The following CWH43 variants were observed in gnomAD, a reference collection of about 807,000 sequenced individuals.
CWH43 encodes cell wall biogenesis 43 C-terminal homolog.
Under a neutral mutation model 85.7 loss-of-function variants are expected in CWH43, and 91 were observed. The ratio of observed to expected loss-of-function variants is 1.06; its 90% CI spans 0.90 to 1.26. The LOEUF is 1.26. Ranked by LOEUF, CWH43 falls within the 50% of genes most tolerant of loss-of-function variation. CWH43 has a pLI of 0.00. For synonymous variants in CWH43, 323 were observed against 293.6 expected (o/e 1.10, Z -1.02); for missense variants, 869 against 839.2 (o/e 1.04, Z -0.44).
chr4:49,061,461 C>T (rs1423116762), intron 15 of CWH43, among the ~76,000 whole-genome samples: 5 of 152,090 alleles, frequency 3.3e-5, no homozygotes, highest in Admixed American at 1.3e-4. Context: ...AGAAGTTCTG[C>T]CAAAATAGAT....
intron 9 of CWH43, among the ~76,000 whole-genome samples, chr4:49,025,491 AG>A (rs1482791873): frequency 2.6e-5 from 4 of 152,162 alleles, no homozygotes; most frequent in Non-Finnish European, 2.9e-5. Flanking sequence ...ACTATGTCAG[AG>A]GGAAGATCTG....
intron 1 of CWH43, 87 bp downstream of exon 1, chr4:48,986,559 G>A (rs1782502032): frequency 6.5e-7 from 1 of 1,538,402 alleles, no homozygotes; most frequent in Non-Finnish European, 8.8e-7. Flanking sequence ...GGTTGGCTGA[G>A]TTCAGGTAGG....
intron 8 of CWH43, among the ~76,000 whole-genome samples, chr4:49,015,071 G>A (rs527617754): frequency 1.6e-4 from 24 of 152,030 alleles, no homozygotes; most frequent in African/African-American, 5.3e-4. Flanking sequence ...AACCACTAAT[G>A]TTTTACTGTT....
chr4:48,991,045 T>C (rs1056124109), intron 2 of CWH43, among the ~76,000 whole-genome samples: 1 of 152,204 alleles, frequency 6.6e-6, no homozygotes, highest in African/African-American at 2.4e-5. Context: ...CCACATATTG[T>C]ACAATTTAAT....
At chr4:49,042,811 A>C (rs1302371319) in intron 13 of CWH43, among the ~76,000 whole-genome samples, 1 of 152,214 alleles carries the variant, frequency 6.6e-6, no homozygotes, top group East Asian at 1.9e-4. Context: ...AAAGTGTGTA[A>C]TCACAGAGAC....
chr4:49,016,915 C>A, intron 8 of CWH43: 1 of 784,694 alleles, frequency 1.3e-6, no homozygotes, highest in Non-Finnish European at 2.4e-6. Flanking sequence ...TTGATTATGC[C>A]AGGGCTGATC....
chr4:49,020,416 C>CACATAT lies in CWH43; in HGVS notation c.1266+3089_1266+3090insCATATA, dbSNP rs140534523. On this transcript the variant is annotated intron_variant, in intron 9 of 15. Coordinates refer to ENST00000226432, the MANE Select transcript of CWH43 (RefSeq NM_025087.3). ...ACACACACACACACACACACACACA[C>CACATAT]ATATATATATATAAATCATATTTTC... 1.5e-3 allele frequency among the ~76,000 whole-genome samples: 190 copies of CACATAT among 128,370 alleles called. 2 individuals carry two copies. Among genetic ancestry groups the CACATAT allele is most frequent in the Non-Finnish European group, 2.4e-3 (146 of 59,926 alleles). 84.2% of individuals were successfully genotyped at this position (128,370 alleles called of 152,430 possible).
intron 1 of CWH43, chr4:48,986,780 C>T (rs1363370091): frequency 4.9e-6 from 6 of 1,226,734 alleles, no homozygotes; most frequent in East Asian, 7.7e-5. Flanking sequence ...TGACCCCGCG[C>T]GGCCGGTACC....
chr4:49,025,841 G>A (rs1044422063), intron 9 of CWH43, among the ~76,000 whole-genome samples: 32 of 152,152 alleles, frequency 2.1e-4, no homozygotes, highest in African/African-American at 7.5e-4. Flanking sequence ...CCAGGGTGTG[G>A]CACTTTCAAG....
At chr4:48,989,898 A>G (rs1044238291) in intron 2 of CWH43, among the ~76,000 whole-genome samples, 5 of 152,224 alleles carry the variant, frequency 3.3e-5, no homozygotes, top group Non-Finnish European at 7.3e-5. Context: ...CTGAGTAAAT[A>G]TTAATTGATT....
intron 9 of CWH43, among the ~76,000 whole-genome samples, chr4:49,020,412 C>T (rs1488346957): frequency 6.1e-5 from 7 of 115,330 alleles, no homozygotes; most frequent in African/African-American, 1.6e-4. Flanking sequence ...CACACACACA[C>T]ACACATATAT....
At chr4:49,027,204 G>C (rs774049731) in intron 9 of CWH43, among the ~76,000 whole-genome samples, 3 of 152,214 alleles carry the variant, frequency 2.0e-5, no homozygotes, top group Admixed American at 6.5e-5. Flanking sequence ...AATGGAAGTA[G>C]AGTTGGAGAT....
intron 9 of CWH43, among the ~76,000 whole-genome samples, chr4:49,020,554 C>T (rs565079356): frequency 1.3e-5 from 2 of 152,170 alleles, no homozygotes; most frequent in African/African-American, 2.4e-5. Flanking sequence ...AATGACTTCT[C>T]TTCCTCTGGG....
At chr4:49,009,082 T>A (rs1783263259) in intron 8 of CWH43, among the ~76,000 whole-genome samples, 1 of 152,166 alleles carries the variant, frequency 6.6e-6, no homozygotes, top group Non-Finnish European at 1.5e-5. Flanking sequence ...GCCATTTTCA[T>A]GATATTGATT....
chr4:49,006,455 A>G (rs1485971615), intron 7 of CWH43, among the ~76,000 whole-genome samples: 1 of 152,188 alleles, frequency 6.6e-6, no homozygotes, highest in East Asian at 1.9e-4. Context: ...ATCAGAATTT[A>G]GTTATAAATT....
intron 10 of CWH43, among the ~76,000 whole-genome samples, chr4:49,029,990 C>T (rs550005706): frequency 6.6e-6 from 1 of 152,312 alleles, no homozygotes; most frequent in East Asian, 1.9e-4. Context: ...GTCCCCTGGG[C>T]CCACTGTTCT....
chr4:48,987,832 G>T (rs563134403), intron 1 of CWH43, among the ~76,000 whole-genome samples: 22 of 152,316 alleles, frequency 1.4e-4, no homozygotes, highest in African/African-American at 5.3e-4. Context: ...GGGAACGACT[G>T]CTGCCTCACT....
intron 9 of CWH43, among the ~76,000 whole-genome samples, chr4:49,019,168 G>A (rs2109787480): frequency 6.6e-6 from 1 of 152,330 alleles, no homozygotes; most frequent in Admixed American, 6.5e-5. Flanking sequence ...CATTCTAGTA[G>A]GGGAGAATTA....
Position 48,991,578 on chromosome 4 carries a change from T to C in CWH43, c.356+4T>C, listed in dbSNP as rs369960611. 22 of 1,613,682 alleles carry C rather than the reference T, an allele frequency of 1.4e-5. No homozygotes were observed. In the African/African-American group the frequency reaches 1.7e-4, roughly 13 times the overall value. On this transcript the variant is annotated splice_donor_region_variant and intron_variant, in intron 3 of 15. Coordinates refer to ENST00000226432, the MANE Select transcript of CWH43 (RefSeq NM_025087.3). ...GGTCAGGAAGTCATTTGCAAAGGTATGGTTAATGTTTCATGTACTTATAGA... is the reference window on the plus strand; with the variant it reads ...GGTCAGGAAGTCATTTGCAAAGGTACGGTTAATGTTTCATGTACTTATAGA...
Sources: gnomAD v4.1 joint callset for allele counts (sites outside exome capture counted in the v4.1 genomes callset) on GRCh38, gnomAD v4.1.1 for gene constraint, MANE v1.5 for transcripts, NCBI Gene and HGNC (gene_info 2026-07-23, HGNC 2026-07-21) for gene names.